The following RYR2 variants were observed in gnomAD, a reference collection of about 807,000 sequenced individuals.
The protein encoded by RYR2 is cardiac muscle ryanodine receptor-calcium release channel.
RYR2 carries 227 observed loss-of-function variants against 601.1 expected under a neutral mutation model. The observed-to-expected ratio is 0.38, with a 90% CI of 0.34 to 0.42. The LOEUF is 0.42. Among genes scored for constraint, RYR2 ranks in the 10% least tolerant of loss-of-function variants. The probability of loss-of-function intolerance (pLI) is 1.00; values close to 1 mark genes in which losing one functional copy is unlikely to be tolerated. For synonymous variants in RYR2, 2,223 were observed against 2,175.1 expected, an observed-to-expected ratio of 1.02 and a Z score of -0.61; for missense variants, 4,646 against 6,156.5, an observed-to-expected ratio of 0.75 and a Z score of 8.21.
intron 10 of RYR2, among the ~76,000 whole-genome samples, chr1:237,395,143 A>G (rs1043483061): frequency 2.6e-5 from 4 of 152,170 alleles, no homozygotes; most frequent in Non-Finnish European, 5.9e-5. Flanking sequence ...AAACCATATC[A>G]CCATCTTTTA....
At chr1:237,654,791 A>T (rs1251192447) in intron 52 of RYR2, among the ~76,000 whole-genome samples, 2 of 152,234 alleles carry the variant, frequency 1.3e-5, no homozygotes, top group Non-Finnish European at 1.5e-5. Context: ...AATCTTATGT[A>T]ATTGTAATAT....
At chr1:237,496,887 AG>A (rs1215859875) in intron 20 of RYR2, 135 bp downstream of exon 20, 23 of 1,050,754 alleles carry the variant, frequency 2.2e-5, no homozygotes, top group Non-Finnish European at 3.0e-5. Flanking sequence ...TGAGATGATG[AG>A]TAAGAGTGTT....
At chr1:237,053,172 C>A (rs1661498381) in intron 1 of RYR2, among the ~76,000 whole-genome samples, 2 of 152,130 alleles carry the variant, frequency 1.3e-5, no homozygotes, top group African/African-American at 2.4e-5. Flanking sequence ...TTTAGACTAT[C>A]CCGTTAGTTC....
intron 1 of RYR2, among the ~76,000 whole-genome samples, chr1:237,232,693 G>A (rs540650774): frequency 6.6e-6 from 1 of 152,184 alleles, no homozygotes; most frequent in Admixed American, 6.5e-5. Context: ...GTGAGAAGTA[G>A]GGGGCAGTCT....
At chr1:237,309,774 G>A (rs1357559588) in intron 2 of RYR2, among the ~76,000 whole-genome samples, 4 of 152,178 alleles carry the variant, frequency 2.6e-5, no homozygotes, top group African/African-American at 7.2e-5. Context: ...CCTGCCCTGC[G>A]GGGAGGCAGC....
chr1:237,201,562 C>T (rs945510092), intron 1 of RYR2, among the ~76,000 whole-genome samples: 50 of 152,080 alleles, frequency 3.3e-4, no homozygotes, highest in African/African-American at 1.1e-3. Context: ...ATTATTGGCC[C>T]CTAGTTTCAG....
chr1:237,170,127 A>G (rs193151181), intron 1 of RYR2, among the ~76,000 whole-genome samples: 149 of 152,362 alleles, frequency 9.8e-4, no homozygotes, highest in African/African-American at 3.5e-3. Context: ...AAAGAAAAAA[A>G]AGAAAAACAC....
intron 1 of RYR2, among the ~76,000 whole-genome samples, chr1:237,255,049 A>G (rs948644690): frequency 6.6e-6 from 1 of 152,198 alleles, no homozygotes; most frequent in Non-Finnish European, 1.5e-5. Context: ...TCTTATCCTC[A>G]GCACACACAT....
chr1:237,649,054 T>A (rs1470695985), intron 49 of RYR2, among the ~76,000 whole-genome samples: 2 of 152,226 alleles, frequency 1.3e-5, no homozygotes, highest in Non-Finnish European at 2.9e-5. Context: ...TCTTCGTTTG[T>A]TAAGGTACAA....
intron 38 of RYR2, 40 bp downstream of exon 38, chr1:237,617,526 C>G: frequency 6.3e-7 from 1 of 1,589,290 alleles, no homozygotes; most frequent in Non-Finnish European, 8.6e-7. Flanking sequence ...TTTATGTTGG[C>G]TTTTAGTCAT....
At chr1:237,461,057 G>T (rs971879129) in intron 16 of RYR2, among the ~76,000 whole-genome samples, 18 of 152,160 alleles carry the variant, frequency 1.2e-4, no homozygotes, top group African/African-American at 4.1e-4. Flanking sequence ...AGCAAAGAAT[G>T]TTATGGATTA....
At chr1:237,802,833 T>C (rs1055251416) in intron 98 of RYR2, among the ~76,000 whole-genome samples, 6 of 152,242 alleles carry the variant, frequency 3.9e-5, no homozygotes, top group African/African-American at 1.4e-4. Flanking sequence ...TCTGCCCAGA[T>C]GCAGCTTATC....
At chr1:237,215,568 T>C (rs1425164159) in intron 1 of RYR2, among the ~76,000 whole-genome samples, 7 of 152,220 alleles carry the variant, frequency 4.6e-5, no homozygotes, top group Non-Finnish European at 1.0e-4. Context: ...ATTTTAAACT[T>C]ATCAAAATAC....
rs59441398 is a variant in RYR2 at position 237,065,952 on chromosome 1, T to C, written c.48+23383T>C. 2.8e-3 allele frequency among the ~76,000 whole-genome samples: 421 copies of C among 152,212 alleles called. 3 individuals are homozygous for C. The highest frequency in any genetic ancestry group is 9.6e-3 in the African/African-American group (398 of 41,542). ...AGATTTCAAGAGCACTTGCTCACTATCACCAGAGTAGCACCGAGGGGGAAA... is the reference window on the plus strand; with the variant it reads ...AGATTTCAAGAGCACTTGCTCACTACCACCAGAGTAGCACCGAGGGGGAAA... On this transcript the variant is annotated intron_variant, in intron 1 of 104. Coordinates refer to ENST00000366574, the MANE Select transcript of RYR2 (RefSeq NM_001035.3).
intron 1 of RYR2, among the ~76,000 whole-genome samples, chr1:237,098,379 TTGTGTGTATGTGTGTGTGTG>T (rs1667706025): frequency 5.1e-5 from 3 of 58,802 alleles, no homozygotes; most frequent in Non-Finnish European, 1.6e-4. Flanking sequence ...ATAGTTGCCA[TTGTGTGTATGTGTGTGTGTG>T]TGTGTGTGTG....
intron 35 of RYR2, among the ~76,000 whole-genome samples, chr1:237,607,248 A>G (rs1235832563): frequency 1.3e-5 from 2 of 152,236 alleles, no homozygotes; most frequent in Non-Finnish European, 2.9e-5. Flanking sequence ...CCAGCCACGA[A>G]AAATGATGAG....
At chr1:237,803,515 T>C (rs957089115) in intron 98 of RYR2, among the ~76,000 whole-genome samples, 14 of 152,184 alleles carry the variant, frequency 9.2e-5, no homozygotes, top group Admixed American at 4.6e-4. Flanking sequence ...TTAGCCAGGA[T>C]GGTCTCGATC....
At chr1:237,701,714 T>A (rs1018823672) in intron 65 of RYR2, among the ~76,000 whole-genome samples, 1 of 151,846 alleles carries the variant, frequency 6.6e-6, no homozygotes, top group African/African-American at 2.4e-5. Context: ...TGTCTATTAT[T>A]CTCCTCTCTA....
chr1:237,524,972 G>A (rs1667429564), intron 24 of RYR2, among the ~76,000 whole-genome samples: 1 of 152,008 alleles, frequency 6.6e-6, no homozygotes, highest in Non-Finnish European at 1.5e-5. Context: ...TTGTAACATA[G>A]GTATATTGCT....
Sources: gnomAD v4.1 joint callset for allele counts (sites outside exome capture counted in the v4.1 genomes callset) on GRCh38, gnomAD v4.1.1 for gene constraint, MANE v1.5 for transcripts, NCBI Gene and HGNC (gene_info 2026-07-23, HGNC 2026-07-21) for gene names.